D2HGDH: variants seen among roughly 807,000 people sequenced by gnomAD.
D2HGDH encodes D-2-hydroxyglutarate dehydrogenase, mitochondrial.
In D2HGDH, 31 loss-of-function variants were observed where a neutral mutation model predicts 46.9. The ratio of observed to expected loss-of-function variants is 0.66; its 90% CI spans 0.50 to 0.89. D2HGDH has a LOEUF of 0.89. D2HGDH is among the 40% of genes least tolerant of loss of function. The pLI is 0.00. For synonymous variants in D2HGDH, 364 were observed against 332.6 expected (o/e 1.09, Z -1.03); for missense variants, 698 against 720.8 (o/e 0.97, Z 0.36).
intron 6 of D2HGDH, among the ~76,000 whole-genome samples, chr2:241,748,310 A>G (rs1429230260): frequency 1.3e-5 from 2 of 151,758 alleles, no homozygotes; most frequent in Non-Finnish European, 2.9e-5. Flanking sequence ...TAGTAGAGAC[A>G]GGGTTTTGCC....
intron 8 of D2HGDH, chr2:241,755,476 A>C: frequency 1.5e-6 from 2 of 1,323,518 alleles, no homozygotes; most frequent in South Asian, 2.5e-5. Flanking sequence ...CTGAAGCTGC[A>C]GGTGGGCGCC....
At chr2:241,746,477 T>C (rs1390374714) in intron 6 of D2HGDH, among the ~76,000 whole-genome samples, 3 of 152,254 alleles carry the variant, frequency 2.0e-5, no homozygotes, top group Non-Finnish European at 4.4e-5. Flanking sequence ...TTTGTGTCTT[T>C]AAACATAGTT....
At chr2:241,760,378 C>T (rs1371826515) in intron 9 of D2HGDH, among the ~76,000 whole-genome samples, 3 of 144,854 alleles carry the variant, frequency 2.1e-5, no homozygotes, top group East Asian at 2.1e-4. Context: ...AGTCGAAGGC[C>T]TTTGCCACAG....
chr2:241,735,659 A>C, intron 2 of D2HGDH, 143 bp downstream of exon 2: 1 of 1,150,348 alleles, frequency 8.7e-7, no homozygotes, highest in South Asian at 1.4e-5. Flanking sequence ...GCACCGCCAC[A>C]GGCTGCTGGA....
At chr2:241,755,625 G>C (rs1698057729) in intron 8 of D2HGDH, 1 of 1,527,020 alleles carries the variant, frequency 6.5e-7, no homozygotes, top group Non-Finnish European at 8.8e-7. Context: ...AGCCACACCT[G>C]GTCTGGGGCA....
chr2:241,767,807 G>T lies in D2HGDH; in HGVS notation c.1404G>T (p.Gln468His), dbSNP rs1699277468. The change falls in exon 10 of 10, where the codon CAG (glutamine) becomes CAT (histidine). Residue 468 changes from glutamine to histidine, a missense_variant. Physicochemically the swap from Gln to His is conservative, Grantham distance 24 (BLOSUM62 0). Coordinates refer to ENST00000321264, the MANE Select transcript of D2HGDH (RefSeq NM_152783.5). ...ACGTGTACGAGTGGACGGCCGGGCAGCAGGGCAGCGTCAGCGCGGAGCACG... is the reference window on the plus strand; with the variant it reads ...ACGTGTACGAGTGGACGGCCGGGCATCAGGGCAGCGTCAGCGCGGAGCACG... ...EPHVYEWTAG[Q>H]QGSVSAEHGV... 6.2e-7 allele frequency: 1 copy of T among 1,612,124 alleles called. No homozygotes were observed. The highest frequency in any genetic ancestry group is 8.5e-7 in the Non-Finnish European group (1 of 1,179,442).
At position 241,768,003 on chromosome 2, in the gene D2HGDH, G is replaced by T. The variant is rs756712425; in HGVS notation, c.*34G>T. On this transcript the variant is annotated 3_prime_UTR_variant, in exon 10 of 10. Transcript: ENST00000321264. The stretch of plus-strand genomic sequence containing the variant: ...CCTGCTGCTGCCAAGGCCCACTGGG[G>T]GTCGGCGGGTGGCTCTCGGGCGGGG... 3 of 1,555,636 alleles carry T rather than the reference G, an allele frequency of 1.9e-6. No individual in the cohort carries two copies. The highest frequency in any genetic ancestry group is 2.6e-6 in the Non-Finnish European group (3 of 1,156,514).
chr2:241,765,213 G>A (rs185783958), intron 9 of D2HGDH, among the ~76,000 whole-genome samples: 10 of 152,368 alleles, frequency 6.6e-5, no homozygotes, highest in African/African-American at 2.4e-4. Context: ...TCAGGAGGGA[G>A]GCAGTGGCAG....
At chr2:241,756,279 T>C (rs1441677875) in intron 9 of D2HGDH, among the ~76,000 whole-genome samples, 2 of 152,218 alleles carry the variant, frequency 1.3e-5, no homozygotes, top group African/African-American at 4.8e-5. Flanking sequence ...CAGAACGTTC[T>C]GGGATCTTCA....
rs573417383 is a variant in D2HGDH at position 241,768,131 on chromosome 2, C to T, written c.*162C>T. Reference sequence around the variant, plus strand: ...ACTGGGGAACTGCCGGACGCAGGCCCTCGGGCAGGAGCATCTGGCAGAGTG... The same window carrying T: ...ACTGGGGAACTGCCGGACGCAGGCCTTCGGGCAGGAGCATCTGGCAGAGTG... On this transcript the variant is annotated 3_prime_UTR_variant, in exon 10 of 10. Transcript: ENST00000321264. 6.0e-5 allele frequency: 68 copies of T among 1,130,278 alleles called. No individual in the cohort carries two copies. In the African/African-American group the frequency reaches 9.7e-4, roughly 16 times the overall value. 70.0% of individuals were successfully genotyped at this position (1,130,278 alleles called of 1,614,324 possible).
At chr2:241,753,426 G>A (rs1285291649) in intron 8 of D2HGDH, among the ~76,000 whole-genome samples, 3 of 152,000 alleles carry the variant, frequency 2.0e-5, no homozygotes, top group African/African-American at 7.3e-5. Flanking sequence ...CAGCATTGGC[G>A]AGGCTCTGGG....
At chr2:241,756,355 C>T (rs1698178831) in intron 9 of D2HGDH, among the ~76,000 whole-genome samples, 1 of 152,260 alleles carries the variant, frequency 6.6e-6, no homozygotes, top group Non-Finnish European at 1.5e-5. Flanking sequence ...CTCAGGGGCT[C>T]CTCTCACAGG....
At chr2:241,761,937 C>T (rs1017534355) in intron 9 of D2HGDH, among the ~76,000 whole-genome samples, 5 of 152,200 alleles carry the variant, frequency 3.3e-5, no homozygotes, top group African/African-American at 1.2e-4. Context: ...AGTTGCTTCC[C>T]AGCAGCAGGA....
intron 8 of D2HGDH, chr2:241,755,179 G>A (rs1457345903): frequency 1.5e-5 from 19 of 1,299,722 alleles, no homozygotes; most frequent in Middle Eastern, 2.1e-4. Flanking sequence ...TTCCTCCCCC[G>A]TGGCCCGCCC....
rs189163512 is a variant in D2HGDH at position 241,761,910 on chromosome 2, C to T, written c.1307-5800C>T. Among the ~76,000 whole-genome samples, 499 of 152,108 alleles carry T rather than the reference C, an allele frequency of 3.3e-3. 8 individuals are homozygous for T. The highest frequency in any genetic ancestry group is 9.5e-3 in the East Asian group (49 of 5,176). ...AAATGTCTTTTCCTCAGTGGATTTCCGTGGTTCTGGGTTGACAGTTGCTTC... is the reference window on the plus strand; with the variant it reads ...AAATGTCTTTTCCTCAGTGGATTTCTGTGGTTCTGGGTTGACAGTTGCTTC... On this transcript the variant is annotated intron_variant, in intron 9 of 9. Coordinates refer to ENST00000321264, the MANE Select transcript of D2HGDH (RefSeq NM_152783.5).
chr2:241,760,357 C>G (rs113061780), intron 9 of D2HGDH, among the ~76,000 whole-genome samples: 1 of 117,136 alleles, frequency 8.5e-6, no homozygotes, highest in African/African-American at 3.7e-5. Flanking sequence ...GTGGGTGGGC[C>G]TTACCCAATC....
chr2:241,735,174 G>GAGTACCGGCCCCCC lies in D2HGDH; in HGVS notation c.-49_-36dup. 1.4e-6 allele frequency: 2 copies of GAGTACCGGCCCCCC among 1,459,984 alleles called. No homozygotes were observed. The highest frequency in any genetic ancestry group is 1.8e-6 in the Non-Finnish European group (2 of 1,117,046). 90.4% of individuals were successfully genotyped at this position (1,459,984 alleles called of 1,614,324 possible). A position where few individuals can be genotyped will look rare whatever the true frequency, so the allele number is the denominator to read the frequency against. ...TCCCTGCCCTTCCCCTCCGGGCCCT[G>GAGTACCGGCCCCCC]AGTACCGGCCCCCCACCAAGGAGGA... On this transcript the variant is annotated 5_prime_UTR_variant, in exon 2 of 10. Transcript: ENST00000321264.
chr2:241,751,291 G>A lies in D2HGDH; in HGVS notation c.1043G>A (p.Gly348Asp). Reference sequence around the variant, plus strand: ...ATCGAGACTTCAGGCTCCAACGCAGGCCATGACGCTGAGAAGCTGGGCCAC... The same window carrying A: ...ATCGAGACTTCAGGCTCCAACGCAGACCATGACGCTGAGAAGCTGGGCCAC... ...VLIETSGSNAGHDAEKLGHFL... is the reference protein window; with the variant it reads ...VLIETSGSNADHDAEKLGHFL... The change falls in exon 8 of 10, where the codon GGC (glycine) becomes GAC (aspartate). Residue 348 changes from glycine to aspartate, a missense_variant. Physicochemically the swap from Gly to Asp is moderately conservative, Grantham distance 94. Transcript: ENST00000321264. The A allele has an allele frequency of 6.2e-7, 1 of 1,613,992 alleles. No homozygotes were observed. Among genetic ancestry groups the A allele is most frequent in the Non-Finnish European group, 8.5e-7 (1 of 1,180,044 alleles).
At chr2:241,748,823 C>T (rs780435077) in intron 6 of D2HGDH, 15 of 1,195,344 alleles carry the variant, frequency 1.3e-5, no homozygotes, top group Non-Finnish European at 1.6e-5. Context: ...TCCTCTTCAT[C>T]CAGGTTTTCT....
Sources: gnomAD v4.1 joint callset for allele counts (sites outside exome capture counted in the v4.1 genomes callset) on GRCh38, gnomAD v4.1.1 for gene constraint, MANE v1.5 for transcripts, NCBI Gene and HGNC (gene_info 2026-07-23, HGNC 2026-07-21) for gene names.